Variants in TUSC3 observed in about 807,000 individuals in gnomAD.
TUSC3 encodes the protein tumor suppressor candidate 3.
A neutral mutation model predicts 44.8 loss-of-function variants in TUSC3; 45 were observed. The ratio of observed to expected loss-of-function variants is 1.00; its 90% confidence interval spans 0.79 to 1.29. The LOEUF (loss-of-function observed/expected upper bound fraction) is 1.29. TUSC3 is among the 50% of genes most tolerant of loss of function. TUSC3 has a pLI of 0.00. For synonymous variants in TUSC3, 212 were observed against 152.9 expected (o/e 1.39, Z -2.85); for missense variants, 519 against 437.9 (o/e 1.19, Z -1.65).
At chr8:15,581,813 A>G (rs1482094870) in intron 1 of TUSC3, among the ~76,000 whole-genome samples, 1 of 132,250 alleles carries the variant, frequency 7.6e-6, no homozygotes, top group Non-Finnish European at 1.6e-5. Context: ...CTACAGAGGC[A>G]GGCAGGCCTC....
chr8:15,470,685 A>C (rs1800479812), intron 1 of TUSC3, among the ~76,000 whole-genome samples: 1 of 152,186 alleles, frequency 6.6e-6, no homozygotes, highest in African/African-American at 2.4e-5. Flanking sequence ...ATTAAAACAG[A>C]TGAGAAAAAC....
chr8:15,539,321 A>G (rs905920420), upstream of TUSC3, among the ~76,000 whole-genome samples: 4 of 149,944 alleles, frequency 2.7e-5, no homozygotes, highest in African/African-American at 7.4e-5. Context: ...TCAAACGTTC[A>G]ACATACAGTC....
chr8:15,817,516 T>C, the TUSC3 span, among the ~76,000 whole-genome samples: 2 of 152,130 alleles, frequency 1.3e-5, no homozygotes, highest in East Asian at 1.9e-4. Context: ...TGGGAGGTAA[T>C]TGAATCATGG....
chr8:15,743,587 G>C lies in TUSC3; in HGVS notation c.912G>C (p.Ser304=), dbSNP rs17121892. 1.9e-6 allele frequency: 3 copies of C among 1,613,864 alleles called. No individual in the cohort carries two copies. The highest frequency in any genetic ancestry group is 2.5e-6 in the Non-Finnish European group (3 of 1,179,848). Residue 304 remains serine (S), a synonymous_variant, in exon 8 of 11, where the codon TCG becomes TCC. Transcript: ENST00000503731. ...TTCTTCTAAATGAAGCAGCAACTTC[G>C]AAAGGCGATGTTGGAAAAAGACGGA... The part of the protein sequence containing the change: ...GMVLLNEAAT[S]KGDVGKRRII...
chr8:15,461,494 C>G (rs776248079), intron 1 of TUSC3, among the ~76,000 whole-genome samples: 31 of 152,016 alleles, frequency 2.0e-4, no homozygotes, highest in Non-Finnish European at 4.0e-4. Flanking sequence ...GAGGGTTTGA[C>G]TTCCTCTTAA....
chr8:15,767,165 A>G (rs541187625), downstream of TUSC3, among the ~76,000 whole-genome samples: 24 of 152,238 alleles, frequency 1.6e-4, no homozygotes, highest in African/African-American at 5.8e-4. Flanking sequence ...AAATTCCCTG[A>G]TGATATAATT....
chr8:15,747,411 GATT>G (rs2129217027), intron 8 of TUSC3, among the ~76,000 whole-genome samples: 1 of 151,822 alleles, frequency 6.6e-6, no homozygotes, highest in South Asian at 2.1e-4. Context: ...TTTCTTAAGA[GATT>G]AACACTAATT....
At chr8:15,676,066 C>T (rs191043691) in intron 6 of TUSC3, among the ~76,000 whole-genome samples, 11 of 152,172 alleles carry the variant, frequency 7.2e-5, no homozygotes, top group African/African-American at 2.6e-4. Flanking sequence ...GTATGTGTTC[C>T]GTTTTCTACA....
intron 2 of TUSC3, among the ~76,000 whole-genome samples, chr8:15,513,219 C>G (rs1050648081): frequency 1.8e-4 from 27 of 151,760 alleles, no homozygotes; most frequent in South Asian, 1.2e-3. Context: ...AACTTGGTAG[C>G]TACAAATGTA....
At chr8:15,687,488 A>G (rs942493542) in intron 6 of TUSC3, among the ~76,000 whole-genome samples, 2 of 152,098 alleles carry the variant, frequency 1.3e-5, no homozygotes, top group Non-Finnish European at 2.9e-5. Flanking sequence ...GTGTCTGTCT[A>G]GTTAGCTTTG....
chr8:15,552,949 G>C lies in TUSC3; in HGVS notation c.138+12381G>C, dbSNP rs76573185. On this transcript the variant is annotated intron_variant, in intron 1 of 10. Transcript: ENST00000503731. ...GCAGTGAGAATGAAGAAAAATACTT[G>C]GATTCCAGAGTTGTTTAGGAGCCAG... 3.3e-3 allele frequency among the ~76,000 whole-genome samples: 504 copies of C among 151,712 alleles called. 24 individuals carry two copies. The East Asian group carries it at 0.036, about 11-fold the overall frequency.
chr8:15,613,435 CAGTGCTAAG>C (rs1804848964), intron 1 of TUSC3, among the ~76,000 whole-genome samples: 1 of 152,110 alleles, frequency 6.6e-6, no homozygotes, highest in Non-Finnish European at 1.5e-5. Flanking sequence ...TTGTAAGATG[CAGTGCTAAG>C]AGTTTTCCAT....
intron 1 of TUSC3, among the ~76,000 whole-genome samples, chr8:15,424,264 T>C (rs1446782473): frequency 6.6e-6 from 1 of 151,908 alleles, no homozygotes; most frequent in Non-Finnish European, 1.5e-5. Flanking sequence ...ATTCATACTT[T>C]ATACAATCAG....
chr8:15,478,766 G>C (rs1424597394), intron 1 of TUSC3, among the ~76,000 whole-genome samples: 1 of 152,096 alleles, frequency 6.6e-6, no homozygotes, highest in Non-Finnish European at 1.5e-5. Context: ...CTTTATAACA[G>C]AATGATTTAT....
intron 1 of TUSC3, among the ~76,000 whole-genome samples, chr8:15,607,764 T>C (rs1804595471): frequency 6.6e-6 from 1 of 152,184 alleles, no homozygotes; most frequent in Non-Finnish European, 1.5e-5. Context: ...TAACATGAAC[T>C]ATTGTTTTAA....
chr8:15,520,060 G>C (rs1801275028), intron 2 of TUSC3, among the ~76,000 whole-genome samples: 1 of 152,134 alleles, frequency 6.6e-6, no homozygotes, highest in Non-Finnish European at 1.5e-5. Flanking sequence ...ATAAGATTCA[G>C]ACTCTGAGAT....
chr8:15,808,354 A>T, the TUSC3 span, among the ~76,000 whole-genome samples: 3 of 152,192 alleles, frequency 2.0e-5, no homozygotes, highest in Admixed American at 6.5e-5. Flanking sequence ...CTCTCTCCAG[A>T]GCACTAGGAG....
At chr8:15,710,281 T>C (rs1809790057) in intron 6 of TUSC3, among the ~76,000 whole-genome samples, 1 of 151,878 alleles carries the variant, frequency 6.6e-6, no homozygotes, top group Admixed American at 6.6e-5. Flanking sequence ...TTTTGCTTGG[T>C]TTGTAGTTTA....
chr8:15,760,960 C>T (rs1354698015), intron 10 of TUSC3, among the ~76,000 whole-genome samples: 1 of 152,132 alleles, frequency 6.6e-6, no homozygotes, highest in Non-Finnish European at 1.5e-5. Context: ...AAATATGTCA[C>T]TGTATCATAC....
Sources: gnomAD v4.1 joint callset for allele counts (sites outside exome capture counted in the v4.1 genomes callset) on GRCh38, gnomAD v4.1.1 for gene constraint, MANE v1.5 for transcripts, NCBI Gene and HGNC (gene_info 2026-07-23, HGNC 2026-07-21) for gene names.